The following DAB1 variants were observed in gnomAD, a reference collection of about 807,000 sequenced individuals.
DAB1 encodes disabled homolog 1.
In DAB1, 15 loss-of-function variants were observed where a neutral mutation model predicts 64.6. The ratio of observed to expected loss-of-function variants is 0.23; its 90% confidence interval spans 0.16 to 0.36. The LOEUF is 0.36. Ranked by LOEUF, DAB1 falls within the 10% of genes least tolerant of loss-of-function variation. The pLI is 1.00. For missense variants in DAB1, 596 were observed against 706.7 expected (o/e 0.84, Z 1.78); for synonymous variants, 235 against 251.9 (o/e 0.93, Z 0.64).
chr1:57,553,409 A>G (rs1644940444), intron 7 of DAB1, among the ~76,000 whole-genome samples: 1 of 14,074 alleles, frequency 7.1e-5, no homozygotes, highest in Non-Finnish European at 8.2e-4. Context: ...AAAGAAAGAA[A>G]GAAAGAAAGA....
intron 4 of DAB1, among the ~76,000 whole-genome samples, chr1:58,326,924 AC>A (rs1239710540): frequency 6.6e-6 from 1 of 152,340 alleles, no homozygotes; most frequent in East Asian, 1.9e-4. Context: ...TTTTTAAAGT[AC>A]TAAATTATGT....
intron 7 of DAB1, among the ~76,000 whole-genome samples, chr1:57,496,439 G>T (rs1306957472): frequency 6.6e-6 from 1 of 152,170 alleles, no homozygotes; most frequent in Non-Finnish European, 1.5e-5. Flanking sequence ...AACCTTCAAT[G>T]GTGCCCAGTA....
chr1:57,248,810 C>T (rs555625750), intron 2 of DAB1, among the ~76,000 whole-genome samples: 1 of 152,236 alleles, frequency 6.6e-6, no homozygotes, highest in South Asian at 2.1e-4. Flanking sequence ...TTGCTCAGGC[C>T]CTCATTACTG....
chr1:57,334,248 C>A (rs946122789), intron 1 of DAB1, among the ~76,000 whole-genome samples: 3 of 152,190 alleles, frequency 2.0e-5, no homozygotes, highest in African/African-American at 7.2e-5. Flanking sequence ...AGGACTCAGG[C>A]CTGAACAGAG....
At chr1:57,913,599 C>T (rs1024631391) in intron 5 of DAB1, among the ~76,000 whole-genome samples, 1 of 152,194 alleles carries the variant, frequency 6.6e-6, no homozygotes, top group Admixed American at 6.5e-5. Context: ...CAAAGGAGAT[C>T]TAACTAAACT....
At chr1:57,950,464 T>A (rs1044958864) in intron 5 of DAB1, among the ~76,000 whole-genome samples, 45 of 152,272 alleles carry the variant, frequency 3.0e-4, no homozygotes, top group African/African-American at 1.1e-3. Flanking sequence ...TTTCTCCATG[T>A]CCTCCTAACA....
chr1:58,517,390 C>A (rs980608541), intron 2 of DAB1, among the ~76,000 whole-genome samples: 3 of 152,176 alleles, frequency 2.0e-5, no homozygotes, highest in African/African-American at 7.2e-5. Context: ...TTTCTCTTGC[C>A]TTTGAACACA....
chr1:57,284,616 G>T (rs1672167827), intron 2 of DAB1, among the ~76,000 whole-genome samples: 1 of 152,234 alleles, frequency 6.6e-6, no homozygotes, highest in Non-Finnish European at 1.5e-5. Flanking sequence ...TGCCTCCTCT[G>T]CAGGACAAGA....
intron 7 of DAB1, among the ~76,000 whole-genome samples, chr1:57,620,344 C>T (rs1290778913): frequency 5.9e-5 from 9 of 152,128 alleles, no homozygotes; most frequent in African/African-American, 2.2e-4. Context: ...CTTTACTCAA[C>T]CAATGTTTAC....
At chr1:57,553,635 C>T (rs2101484175) in intron 7 of DAB1, among the ~76,000 whole-genome samples, 1 of 152,096 alleles carries the variant, frequency 6.6e-6, no homozygotes, top group East Asian at 1.9e-4. Flanking sequence ...CACACCACTG[C>T]ACTCTAGCCT....
Position 57,011,228 on chromosome 1 carries a change from C to T in DAB1, c.1489G>A (p.Ala497Thr), listed in dbSNP as rs773006703. The change falls in exon 13 of 15, where the codon GCA becomes ACA. Residue 497 changes from alanine to threonine, a missense_variant. Ala to Thr is a moderately conservative substitution (Grantham distance 58, BLOSUM62 0). Around this residue, in one of 3 missense-constraint regions of DAB1, gnomAD observed 377 missense variants for 400.4 expected, o/e 0.94. Transcript: ENST00000371236. ...GTGGTAGGATCACTGGCATGGGATG[C>T]AGATGATTTGGATGGAGAGCTCTGT... ...PRQSSPSKSS[A>T]SHASDPTTDD... 6.2e-7 allele frequency: 1 copy of T among 1,614,002 alleles called. No homozygotes were observed. Among genetic ancestry groups the T allele is most frequent in the East Asian group, 2.2e-5 (1 of 44,884 alleles).
At chr1:58,236,227 A>C (rs1237585894) in intron 4 of DAB1, among the ~76,000 whole-genome samples, 2 of 151,998 alleles carry the variant, frequency 1.3e-5, no homozygotes, top group African/African-American at 4.8e-5. Context: ...TTCTTCCAAT[A>C]AACTTTCAAA....
At chr1:58,135,971 G>T (rs1036994433) in intron 5 of DAB1, among the ~76,000 whole-genome samples, 1 of 152,162 alleles carries the variant, frequency 6.6e-6, no homozygotes, top group Non-Finnish European at 1.5e-5. Flanking sequence ...GTACTCATGT[G>T]TAAAATGCAG....
intron 1 of DAB1, among the ~76,000 whole-genome samples, chr1:57,380,432 T>C (rs1342079181): frequency 6.6e-6 from 1 of 152,238 alleles, no homozygotes; most frequent in Non-Finnish European, 1.5e-5. Flanking sequence ...GATACTACTT[T>C]GTACTTTTTA....
chr1:57,084,619 C>T (rs1396749606), intron 4 of DAB1, among the ~76,000 whole-genome samples: 6 of 152,270 alleles, frequency 3.9e-5, no homozygotes, highest in South Asian at 2.1e-4. Context: ...CTACGTATTT[C>T]GTCTTTCTGC....
rs1570016659 is a variant in DAB1, at chr1:57,240,508, A to G, written c.67+50456T>C. 3.3e-5 allele frequency among the ~76,000 whole-genome samples: 5 copies of G among 152,282 alleles called. 1 individual carries two copies. The highest frequency in any genetic ancestry group is 3.3e-4 in the Admixed American group (5 of 15,292). On this transcript the variant is annotated intron_variant, in intron 2 of 14. Coordinates refer to ENST00000371236, the MANE Select transcript of DAB1 (RefSeq NM_001365792.1). ...ATACCAATACTAAAATGCCAGCATT[A>G]TTATCCCTACACTACACATGAGGAT...
chr1:58,376,158 G>GT lies in DAB1; in HGVS notation n.258-32756dup, dbSNP rs932332777. Among the ~76,000 whole-genome samples, 268 of 151,576 alleles carry GT rather than the reference G, an allele frequency of 1.8e-3. 2 individuals carry two copies. The highest frequency in any genetic ancestry group is 6.3e-3 in the African/African-American group (261 of 41,298). ...CTGGGTTCATTGATTTTTTGAAGGG[G>GT]TTTTTTTGTCTCTATTTCCTTCAGT... is the stretch of plus-strand genomic sequence containing the variant. On this transcript the variant is annotated intron_variant and non_coding_transcript_variant, in intron 3 of 20. Coordinates refer to the DAB1 transcript ENST00000485760.
At chr1:58,326,116 A>T (rs1321620429) in intron 4 of DAB1, among the ~76,000 whole-genome samples, 9 of 152,190 alleles carry the variant, frequency 5.9e-5, no homozygotes, top group Non-Finnish European at 1.3e-4. Context: ...ATCACGTAGC[A>T]TTATACACCA....
At chr1:58,369,012 C>G (rs1644240597) in intron 3 of DAB1, among the ~76,000 whole-genome samples, 1 of 150,656 alleles carries the variant, frequency 6.6e-6, no homozygotes, top group South Asian at 2.1e-4. Context: ...AACCTTGTCT[C>G]AAAAAAAAAG....
Sources: gnomAD v4.1 joint callset for allele counts (sites outside exome capture counted in the v4.1 genomes callset) on GRCh38, gnomAD v4.1.1 for gene constraint, gnomAD v4.1.1 regional missense constraint, MANE v1.5 for transcripts, NCBI Gene and HGNC (gene_info 2026-07-23, HGNC 2026-07-21) for gene names.